The following RASGRP3 variants were observed in gnomAD, a reference collection of about 807,000 sequenced individuals.
The protein encoded by RASGRP3 is ras guanyl-releasing protein 3.
RASGRP3 carries 54 observed loss-of-function variants against 82.7 expected under a neutral mutation model. The observed-to-expected ratio is 0.65, with a 90% CI of 0.52 to 0.82. RASGRP3 has a LOEUF of 0.82. Ranked by LOEUF, RASGRP3 falls within the 40% of genes least tolerant of loss-of-function variation. RASGRP3 has a pLI of 0.00. For synonymous variants in RASGRP3, 309 were observed against 300.5 expected (o/e 1.03, Z -0.29); for missense variants, 861 against 828.9 (o/e 1.04, Z -0.48).
chr2:33,463,745 G>A (rs530367984), intron 2 of RASGRP3, among the ~76,000 whole-genome samples: 1 of 151,966 alleles, frequency 6.6e-6, no homozygotes, highest in East Asian at 1.9e-4. Context: ...GATTACAGGT[G>A]CCTGCCGCCA....
chr2:33,527,916 C>G (rs983267187), intron 10 of RASGRP3, among the ~76,000 whole-genome samples: 3 of 152,302 alleles, frequency 2.0e-5, no homozygotes, highest in Non-Finnish European at 2.9e-5. Context: ...AGTCTCCAAC[C>G]TTCTTTGCCA....
chr2:33,464,282 CTAATTTTTTTG>C (rs1249029770), intron 2 of RASGRP3, among the ~76,000 whole-genome samples: 2 of 150,634 alleles, frequency 1.3e-5, no homozygotes, highest in Non-Finnish European at 3.0e-5. Flanking sequence ...CCACACCTGG[CTAATTTTTTTG>C]TATTTTAGTA....
intron 1 of RASGRP3, among the ~76,000 whole-genome samples, chr2:33,498,194 A>G (rs754697343): frequency 1.3e-5 from 2 of 152,240 alleles, no homozygotes; most frequent in African/African-American, 2.4e-5. Context: ...CATTGAGGGC[A>G]TACTATGTGG....
intron 1 of RASGRP3, among the ~76,000 whole-genome samples, chr2:33,490,354 A>G (rs563572063): frequency 4.2e-4 from 64 of 152,016 alleles, no homozygotes; most frequent in Admixed American, 9.2e-4. Flanking sequence ...CCTCTCATTT[A>G]CTCTTGCACT....
At chr2:33,446,471 T>G (rs1665508188) in intron 1 of RASGRP3, among the ~76,000 whole-genome samples, 1 of 130,390 alleles carries the variant, frequency 7.7e-6, no homozygotes, top group South Asian at 2.7e-4. Context: ...GTAGGGCAAT[T>G]TTTTTTGGAA....
chr2:33,547,692 C>T (rs1674935978), intron 13 of RASGRP3, among the ~76,000 whole-genome samples: 2 of 152,026 alleles, frequency 1.3e-5, no homozygotes, highest in South Asian at 2.1e-4. Flanking sequence ...GCTGGAGTCT[C>T]GATCTTGTGA....
At chr2:33,556,890 TACACACACACAC>T (rs58614411) in intron 15 of RASGRP3, among the ~76,000 whole-genome samples, 1,485 of 130,864 alleles carry the variant, frequency 0.011, 19 homozygotes, top group African/African-American at 0.032. Context: ...TACCCTAAAA[TACACACACACAC>T]ACACACACAC....
At chr2:33,458,725 A>G (rs1393166609) in intron 2 of RASGRP3, among the ~76,000 whole-genome samples, 1 of 152,204 alleles carries the variant, frequency 6.6e-6, no homozygotes, top group African/African-American at 2.4e-5. Flanking sequence ...CCCTTTTTCC[A>G]CCAGCACCAT....
chr2:33,560,969 T>C (rs1676584357), intron 17 of RASGRP3, among the ~76,000 whole-genome samples: 1 of 152,180 alleles, frequency 6.6e-6, no homozygotes, highest in Non-Finnish European at 1.5e-5. Context: ...TATAAACAAG[T>C]ATCTGGGTTT....
intron 14 of RASGRP3, among the ~76,000 whole-genome samples, chr2:33,553,767 G>GAGAT (rs1463711376): frequency 4.0e-5 from 6 of 151,830 alleles, no homozygotes; most frequent in African/African-American, 1.4e-4. Flanking sequence ...TTTTTTCTTT[G>GAGAT]AGATAGAATC....
At chr2:33,509,526 G>A (rs1670732117) in intron 1 of RASGRP3, among the ~76,000 whole-genome samples, 1 of 152,090 alleles carries the variant, frequency 6.6e-6, no homozygotes, top group Non-Finnish European at 1.5e-5. Flanking sequence ...TTCCACTGAC[G>A]TTTTAGTCTC....
At chr2:33,516,881 G>A (rs1024455330) in intron 4 of RASGRP3, 1 of 371,590 alleles carries the variant, frequency 2.7e-6, no homozygotes, top group Non-Finnish European at 4.8e-6. Context: ...GTAAAATGAA[G>A]CAGGAACTGT....
chr2:33,556,090 T>A (rs1462038003), intron 15 of RASGRP3, among the ~76,000 whole-genome samples: 1 of 152,180 alleles, frequency 6.6e-6, no homozygotes, highest in African/African-American at 2.4e-5. Context: ...ATCAAATATA[T>A]TTGACAAATG....
intron 1 of RASGRP3, among the ~76,000 whole-genome samples, chr2:33,494,197 G>C (rs1669105208): frequency 6.6e-6 from 1 of 152,182 alleles, no homozygotes; most frequent in African/African-American, 2.4e-5. Context: ...GACATATTCT[G>C]TGTCGCCTAC....
intron 2 of RASGRP3, among the ~76,000 whole-genome samples, chr2:33,471,382 A>G (rs1467620347): frequency 8.4e-6 from 1 of 119,326 alleles, no homozygotes; most frequent in Non-Finnish European, 1.6e-5. Context: ...GAGTCTCGCT[A>G]TGTTGCCCCT....
intron 3 of RASGRP3, among the ~76,000 whole-genome samples, chr2:33,515,993 T>C (rs2151011230): frequency 6.6e-6 from 1 of 152,376 alleles, no homozygotes; most frequent in Middle Eastern, 3.4e-3. Context: ...TCATTGTTTC[T>C]CTTAAATTCA....
intron 14 of RASGRP3, among the ~76,000 whole-genome samples, chr2:33,551,713 G>A (rs1292227405): frequency 1.3e-5 from 2 of 151,980 alleles, no homozygotes; most frequent in African/African-American, 2.4e-5. Flanking sequence ...AAAAAACTCG[G>A]CCAGGCACGG....
chr2:33,522,695 A>G (rs576602557), intron 7 of RASGRP3, among the ~76,000 whole-genome samples: 8 of 152,204 alleles, frequency 5.3e-5, no homozygotes, highest in Admixed American at 5.2e-4. Flanking sequence ...CGTTATGGTA[A>G]ACATTTTCCA....
upstream of RASGRP3, among the ~76,000 whole-genome samples, chr2:33,472,377 A>G (rs1434189545): frequency 6.6e-6 from 1 of 152,230 alleles, no homozygotes; most frequent in Admixed American, 6.5e-5. Flanking sequence ...AAAGTTGCCT[A>G]CGATGGCCCG....
Sources: allele counts gnomAD v4.1 joint callset (sites outside exome capture counted in the v4.1 genomes callset), GRCh38; gene constraint gnomAD v4.1.1; transcripts MANE v1.5; gene names NCBI Gene and HGNC (gene_info 2026-07-23, HGNC 2026-07-21).